The following RTTN variants were observed in gnomAD, a reference collection of about 807,000 sequenced individuals.
RTTN encodes the protein rotatin.
In RTTN, 182 loss-of-function variants were observed where a neutral mutation model predicts 269.2. The observed-to-expected ratio is 0.68, with a 90% confidence interval of 0.60 to 0.76. The LOEUF is 0.76. RTTN is among the 30% of genes least tolerant of loss of function. The pLI, the probability that RTTN is intolerant of heterozygous loss-of-function variation, is 0.00. For synonymous variants in RTTN, 1,006 were observed against 963.5 expected, an observed-to-expected ratio of 1.04 and a Z score of -0.82; for missense variants, 2,545 against 2,608.6, an observed-to-expected ratio of 0.98 and a Z score of 0.53.
chr18:70,178,887 A>C (rs543357704), intron 10 of RTTN, among the ~76,000 whole-genome samples: 1 of 152,212 alleles, frequency 6.6e-6, no homozygotes, highest in South Asian at 2.1e-4. Flanking sequence ...GATCTGAATA[A>C]AACAGGACAT....
rs1225896322 is a variant in RTTN, at chr18:70,109,604, G to C, written c.3797C>G (p.Thr1266Ser). 1 of 1,614,032 alleles carries C rather than the reference G, an allele frequency of 6.2e-7. No individual in the cohort carries two copies. The highest frequency in any genetic ancestry group is 1.1e-5 in the South Asian group (1 of 91,062). ...AGTGAGGTTAGCCATCCCTCGTAAGGTCCGCTCAAGGGACGGCAGGCCATA... is the reference window on the plus strand; with the variant it reads ...AGTGAGGTTAGCCATCCCTCGTAAGCTCCGCTCAAGGGACGGCAGGCCATA... ...HFYGLPSLERTLRGMANLTAF... is the reference protein window; with the variant it reads ...HFYGLPSLERSLRGMANLTAF... Residue 1266 changes from threonine (T) to serine (S), a missense_variant, in exon 28 of 49, where the codon ACC (threonine) becomes AGC (serine). Thr to Ser is a moderately conservative substitution (Grantham distance 58, BLOSUM62 1). Coordinates refer to ENST00000640769, the MANE Select transcript of RTTN (RefSeq NM_173630.4).
chr18:70,051,729 GCTT>G (rs1314069093), intron 38 of RTTN, among the ~76,000 whole-genome samples, 181 bp from the exon 39 acceptor site: 1 of 152,012 alleles, frequency 6.6e-6, no homozygotes, highest in Non-Finnish European at 1.5e-5. Flanking sequence ...CTTTTCCATT[GCTT>G]CTTAAGATAT....
At position 70,128,345 on chromosome 18, in the gene RTTN, T is replaced by C; in HGVS notation, c.3143+13A>G. On this transcript the variant is annotated intron_variant, in intron 24 of 48. Transcript: ENST00000640769. ...TAATTGCAAATGCTTTTTAAACTAATATAAGAGCTTACTCTTGCGTTTTAG... is the reference window on the plus strand; with the variant it reads ...TAATTGCAAATGCTTTTTAAACTAACATAAGAGCTTACTCTTGCGTTTTAG... 1 of 1,600,484 alleles carries C rather than the reference T, an allele frequency of 6.2e-7. No individual in the cohort carries two copies. Among genetic ancestry groups the C allele is most frequent in the Non-Finnish European group, 8.5e-7 (1 of 1,171,120 alleles).
chr18:70,163,106 A>G (rs1474511413), intron 14 of RTTN, among the ~76,000 whole-genome samples: 3 of 132,976 alleles, frequency 2.3e-5, no homozygotes, highest in Admixed American at 8.2e-5. Flanking sequence ...AAACAAGGCC[A>G]GACACGGTGG....
intron 10 of RTTN, among the ~76,000 whole-genome samples, chr18:70,186,082 A>C (rs996570795): frequency 7.1e-6 from 1 of 141,310 alleles, no homozygotes; most frequent in Non-Finnish European, 1.6e-5. Flanking sequence ...CTCCCCCCCA[A>C]AAAAAAAAAA....
rs2057677586 is a variant in RTTN at position 70,051,753 on chromosome 18, C to G, written c.5186-205G>C. Among the ~76,000 whole-genome samples the G allele has an allele frequency of 2.0e-5, 3 of 152,254 alleles. No homozygotes were observed. In the East Asian group the frequency reaches 5.8e-4, roughly 29 times the overall value. On this transcript the variant is annotated intron_variant, in intron 38 of 48. Transcript: ENST00000640769. Reference sequence around the variant, plus strand: ...TGCTTCTTAAGATATCTCCCCTCCACCCTCCTGCATATAAAGCCACACTCA... The same window carrying G: ...TGCTTCTTAAGATATCTCCCCTCCAGCCTCCTGCATATAAAGCCACACTCA...
rs1351918998 is a variant in RTTN at position 70,029,920 on chromosome 18, G to C, written c.5745+92C>G. 9 of 830,534 alleles carry C rather than the reference G, an allele frequency of 1.1e-5. No homozygotes were observed. In the Admixed American group the frequency reaches 2.0e-4, roughly 18 times the overall value. 51.4% of individuals were successfully genotyped at this position (830,534 alleles called of 1,614,324 possible). ...CCATCTGTACCTTTCTTCTAAATGA[G>C]ACACTCATTTCAAGCTCGTGCTCAT... On this transcript the variant is annotated intron_variant, in intron 42 of 48. Transcript: ENST00000640769.
chr18:70,066,033 C>G, intron 34 of RTTN, 111 bp from the exon 35 acceptor site: 1 of 585,862 alleles, frequency 1.7e-6, no homozygotes, highest in African/African-American at 1.9e-5. Context: ...CAAAATTATA[C>G]TAGTTAGGAT....
chr18:70,024,583 G>A, intron 44 of RTTN, 139 bp downstream of exon 44: 1 of 718,132 alleles, frequency 1.4e-6, no homozygotes, highest in South Asian at 2.0e-5. Flanking sequence ...CTACGAGAAA[G>A]CTTGCCTTTG....
intron 12 of RTTN, 45 bp downstream of exon 12, chr18:70,168,810 A>C (rs2061058934): frequency 7.1e-7 from 1 of 1,411,466 alleles, no homozygotes. Flanking sequence ...AAATTTTCAA[A>C]ATATGTCAAA....
chr18:70,082,195 T>C (rs1270265426), intron 32 of RTTN, among the ~76,000 whole-genome samples: 1 of 152,166 alleles, frequency 6.6e-6, no homozygotes, highest in African/African-American at 2.4e-5. Context: ...TTTAAGTGCA[T>C]GAAATTACCC....
At chr18:70,196,415 TAA>T in intron 7 of RTTN, 84 bp downstream of exon 7, 1 of 1,210,614 alleles carries the variant, frequency 8.3e-7, no homozygotes, top group East Asian at 2.4e-5. Flanking sequence ...GCGTACACAA[TAA>T]ACCCTAACAG....
intron 17 of RTTN, among the ~76,000 whole-genome samples, chr18:70,147,809 G>C (rs1038200066): frequency 2.0e-5 from 3 of 151,976 alleles, no homozygotes; most frequent in Non-Finnish European, 4.4e-5. Flanking sequence ...CCTTGGGCCC[G>C]AAAAACAAAC....
chr18:70,040,385 T>C (rs1326274578), intron 40 of RTTN, among the ~76,000 whole-genome samples: 1 of 152,112 alleles, frequency 6.6e-6, no homozygotes, highest in Non-Finnish European at 1.5e-5. Flanking sequence ...AGAAGATCAT[T>C]ATATAATGAT....
rs200302395 is a variant in RTTN at position 70,193,275 on chromosome 18, T to G, written c.1007+13A>C. ...GCATTTCTCATTTCCCCAGAGACAC[T>G]GCTAGCAGTCACCTAGAGGACGCTG... On this transcript the variant is annotated intron_variant, in intron 8 of 48. Transcript: ENST00000640769. 2.5e-6 allele frequency: 4 copies of G among 1,604,464 alleles called. No homozygotes were observed. Among genetic ancestry groups the G allele is most frequent in the Non-Finnish European group, 3.4e-6 (4 of 1,175,630 alleles).
At chr18:70,024,458 A>T (rs923412468) in intron 44 of RTTN, among the ~76,000 whole-genome samples, 2 of 151,816 alleles carry the variant, frequency 1.3e-5, no homozygotes, top group African/African-American at 4.8e-5. Context: ...TTCCTACTAA[A>T]CTCAATTTCC....
rs749021132 is a variant in RTTN at position 70,088,178 on chromosome 18, CAAAT to C, written c.4144-35_4144-32del. Reference sequence around the variant, plus strand: ...CAAATTAAAGAGAAAGTTGTTGAATCAAATAAGCCTTTTTCCTAACATGAATTCT... The same window carrying C: ...CAAATTAAAGAGAAAGTTGTTGAATCAAGCCTTTTTCCTAACATGAATTCT... On this transcript the variant is annotated intron_variant, in intron 30 of 48. Transcript: ENST00000640769. The C allele has an allele frequency of 1.0e-5, 16 of 1,569,826 alleles. No individual in the cohort carries two copies. The South Asian group carries it at 1.9e-4, about 19-fold the overall frequency.
chr18:70,100,041 T>C (rs1441575551), intron 28 of RTTN, among the ~76,000 whole-genome samples: 1 of 152,260 alleles, frequency 6.6e-6, no homozygotes, highest in Non-Finnish European at 1.5e-5. Context: ...TTCTTTGGCT[T>C]AGGATTGTCT....
At chr18:70,088,629 C>T (rs900218351) in intron 30 of RTTN, among the ~76,000 whole-genome samples, 1 of 152,244 alleles carries the variant, frequency 6.6e-6, no homozygotes, top group East Asian at 1.9e-4. Flanking sequence ...AAGAGAAAAA[C>T]GTTCCCAAAT....
Sources: gnomAD v4.1 joint callset for allele counts (sites outside exome capture counted in the v4.1 genomes callset) on GRCh38, gnomAD v4.1.1 for gene constraint, MANE v1.5 for transcripts, NCBI Gene and HGNC (gene_info 2026-07-23, HGNC 2026-07-21) for gene names.